Variants in ATRNL1 observed in about 807,000 individuals in gnomAD.
ATRNL1 encodes the protein attractin-like protein 1.
ATRNL1 carries 95 observed loss-of-function variants against 182.7 expected under a neutral mutation model. The ratio of observed to expected loss-of-function variants is 0.52; its 90% CI spans 0.44 to 0.62. ATRNL1 has a LOEUF of 0.62. Among genes scored for constraint, ATRNL1 ranks in the 20% least tolerant of loss-of-function variants. ATRNL1 has a pLI of 0.00. For missense variants in ATRNL1, 1,471 were observed against 1,679.5 expected (o/e 0.88, Z 2.17); for synonymous variants, 576 against 568.3 (o/e 1.01, Z -0.19).
chr10:115,610,373 C>G (rs868996069), intron 26 of ATRNL1, among the ~76,000 whole-genome samples: 2 of 152,130 alleles, frequency 1.3e-5, no homozygotes, highest in African/African-American at 4.8e-5. Flanking sequence ...GCATTGTAGA[C>G]TGTCTATGAC....
chr10:115,937,426 A>C (rs1203256035), intron 28 of ATRNL1, among the ~76,000 whole-genome samples: 1 of 152,164 alleles, frequency 6.6e-6, no homozygotes, highest in African/African-American at 2.4e-5. Context: ...TCGGCACTTG[A>C]AGTTTTTCCA....
intron 27 of ATRNL1, among the ~76,000 whole-genome samples, chr10:115,732,232 A>G (rs4751930): frequency 0.46 from 70,070 of 152,050 alleles, 18,238 homozygotes; most frequent in East Asian, 0.75. Flanking sequence ...GTTGAAAAGT[A>G]CTTTCTTTCT....
At position 115,572,434 on chromosome 10, in the gene ATRNL1, GA is replaced by G. The variant is rs1369889715; in HGVS notation, c.3795+22907del. ...TGATAGATTGGATGCAACGGGTGGGGAAAAAAAAAGACTAATTCTCACTCTA... is the reference window on the plus strand; with the variant it reads ...TGATAGATTGGATGCAACGGGTGGGGAAAAAAAAGACTAATTCTCACTCTA... On this transcript the variant is annotated intron_variant, in intron 26 of 28. Transcript: ENST00000355044. 2.4e-4 allele frequency among the ~76,000 whole-genome samples: 36 copies of G among 150,176 alleles called. No homozygotes were observed. In the East Asian group the frequency reaches 2.5e-3, roughly 11 times the overall value.
chr10:115,326,890 G>A (rs532707296), intron 18 of ATRNL1, among the ~76,000 whole-genome samples: 91 of 152,272 alleles, frequency 6.0e-4, no homozygotes, highest in Middle Eastern at 6.8e-3. Flanking sequence ...TATGTAGAAA[G>A]CTGAAACTGG....
chr10:115,509,673 C>G (rs1270896641), intron 24 of ATRNL1, among the ~76,000 whole-genome samples: 5 of 151,880 alleles, frequency 3.3e-5, no homozygotes, highest in African/African-American at 1.2e-4. Flanking sequence ...CAATTAAGCC[C>G]CTTTTCTTTA....
intron 9 of ATRNL1, among the ~76,000 whole-genome samples, chr10:115,231,955 A>G (rs1443431753): frequency 1.3e-5 from 2 of 152,158 alleles, no homozygotes; most frequent in Non-Finnish European, 2.9e-5. Flanking sequence ...GATCCTTGGC[A>G]GAATTTTCCC....
intron 9 of ATRNL1, among the ~76,000 whole-genome samples, chr10:115,226,805 G>T (rs1250961680): frequency 6.6e-6 from 1 of 151,894 alleles, no homozygotes; most frequent in African/African-American, 2.4e-5. Flanking sequence ...CTTTGACAAG[G>T]CTGACAAAAG....
intron 28 of ATRNL1, among the ~76,000 whole-genome samples, chr10:115,894,564 G>A (rs1952160157): frequency 6.6e-6 from 1 of 152,128 alleles, no homozygotes; most frequent in South Asian, 2.1e-4. Flanking sequence ...ATTAGTTTTT[G>A]AAATTGGTGC....
intron 18 of ATRNL1, among the ~76,000 whole-genome samples, chr10:115,331,199 A>G (rs1458039157): frequency 1.3e-5 from 2 of 152,030 alleles, no homozygotes; most frequent in Admixed American, 6.5e-5. Context: ...AGCTGGGACT[A>G]CAGGCGCCCG....
At chr10:115,851,608 G>T (rs1951057866) in intron 28 of ATRNL1, among the ~76,000 whole-genome samples, 1 of 152,160 alleles carries the variant, frequency 6.6e-6, no homozygotes, top group South Asian at 2.1e-4. Context: ...GTGCTTGGGA[G>T]AAATTCTCCC....
chr10:115,597,484 G>A, intron 26 of ATRNL1: 1 of 339,092 alleles, frequency 2.9e-6, no homozygotes, highest in South Asian at 2.2e-5. Flanking sequence ...GAATACAAAT[G>A]TGGGTTAATA....
intron 24 of ATRNL1, among the ~76,000 whole-genome samples, chr10:115,500,997 C>A (rs1849806395): frequency 7.2e-6 from 1 of 139,416 alleles, no homozygotes. Flanking sequence ...GGTGCGAGCT[C>A]CACTTACTGC....
intron 26 of ATRNL1, among the ~76,000 whole-genome samples, chr10:115,654,490 A>C (rs113724814): frequency 5.0e-4 from 76 of 152,242 alleles, no homozygotes; most frequent in African/African-American, 1.8e-3. Flanking sequence ...AAGTGCAGGG[A>C]TTACAGGCAT....
chr10:115,532,531 A>G (rs34603790), intron 25 of ATRNL1, among the ~76,000 whole-genome samples: 26,381 of 150,988 alleles, frequency 0.17, 2,826 homozygotes, highest in Non-Finnish European at 0.25. Context: ...TTGGGCTGAG[A>G]CAGTGGGGTT....
intron 20 of ATRNL1, among the ~76,000 whole-genome samples, chr10:115,407,624 A>G (rs952435190): frequency 1.3e-5 from 2 of 152,056 alleles, no homozygotes; most frequent in Non-Finnish European, 1.5e-5. Context: ...TCCTTTATTC[A>G]TCTATTGATG....
chr10:115,863,464 C>T (rs1449780007), intron 28 of ATRNL1, among the ~76,000 whole-genome samples: 1 of 152,056 alleles, frequency 6.6e-6, no homozygotes, highest in Admixed American at 6.5e-5. Context: ...AATGTCCATG[C>T]TAGGATTGAA....
chr10:115,322,704 T>A (rs1554931891), intron 18 of ATRNL1, among the ~76,000 whole-genome samples: 1 of 152,090 alleles, frequency 6.6e-6, no homozygotes, highest in Non-Finnish European at 1.5e-5. Flanking sequence ...ATTCTCCTAA[T>A]TTTTTAATAT....
At chr10:115,636,285 G>A (rs1555028100) in intron 26 of ATRNL1, among the ~76,000 whole-genome samples, 1 of 147,816 alleles carries the variant, frequency 6.8e-6, no homozygotes, top group African/African-American at 2.4e-5. Flanking sequence ...CGTAGAGGCA[G>A]CTGGCAATAG....
At chr10:115,661,350 C>T (rs1282071495) in intron 26 of ATRNL1, among the ~76,000 whole-genome samples, 1 of 151,996 alleles carries the variant, frequency 6.6e-6, no homozygotes, top group African/African-American at 2.4e-5. Context: ...TGAATTAGTA[C>T]TAAGTGCCAT....
Sources: gnomAD v4.1 joint callset for allele counts (sites outside exome capture counted in the v4.1 genomes callset) on GRCh38, gnomAD v4.1.1 for gene constraint, MANE v1.5 for transcripts, NCBI Gene and HGNC (gene_info 2026-07-23, HGNC 2026-07-21) for gene names.